TSPAN9: variants seen among roughly 807,000 people sequenced by gnomAD.
TSPAN9 encodes the protein tetraspanin 9.
TSPAN9 carries 16 observed loss-of-function variants against 31.0 expected under a neutral mutation model. That is an observed-to-expected ratio of 0.52 (90% confidence interval 0.35 to 0.78). TSPAN9 has a LOEUF of 0.78. Ranked by LOEUF, TSPAN9 falls within the 30% of genes least tolerant of loss-of-function variation. The pLI is 0.01. For synonymous variants in TSPAN9, 145 were observed against 121.6 expected (o/e 1.19, Z -1.27); for missense variants, 272 against 312.5 (o/e 0.87, Z 0.98).
chr12:3,255,942 T>C (rs547740324), intron 3 of TSPAN9, among the ~76,000 whole-genome samples: 40 of 152,314 alleles, frequency 2.6e-4, no homozygotes, highest in Middle Eastern at 3.4e-3. Flanking sequence ...TGTATGCTTG[T>C]GAGTTTTCTT....
At chr12:3,123,013 A>G (rs889545006) in intron 2 of TSPAN9, among the ~76,000 whole-genome samples, 14 of 152,166 alleles carry the variant, frequency 9.2e-5, no homozygotes, top group Non-Finnish European at 1.9e-4. Context: ...AGAGGCAGGC[A>G]GGATGCTAGG....
intron 2 of TSPAN9, among the ~76,000 whole-genome samples, chr12:3,151,859 G>C (rs900896611): frequency 6.6e-6 from 1 of 152,058 alleles, no homozygotes; most frequent in African/African-American, 2.4e-5. Flanking sequence ...TGAGGCGGAG[G>C]TTGCAGTGAG....
At chr12:3,149,410 C>A (rs1266894421) in intron 2 of TSPAN9, among the ~76,000 whole-genome samples, 1 of 152,208 alleles carries the variant, frequency 6.6e-6, no homozygotes, top group Non-Finnish European at 1.5e-5. Flanking sequence ...CTCTTTTTTA[C>A]CTGAAATTCA....
chr12:3,256,692 G>A (rs1862353842), intron 3 of TSPAN9, among the ~76,000 whole-genome samples: 1 of 152,168 alleles, frequency 6.6e-6, no homozygotes, highest in Non-Finnish European at 1.5e-5. Flanking sequence ...GACTTTGGTA[G>A]CTGGGTTAAC....
intron 2 of TSPAN9, among the ~76,000 whole-genome samples, chr12:3,100,001 C>G (rs2098311087): frequency 6.6e-6 from 1 of 152,148 alleles, no homozygotes; most frequent in African/African-American, 2.4e-5. Flanking sequence ...GCCACCATGC[C>G]TGGCTAATTT....
At chr12:3,151,591 A>T (rs1212244991) in intron 2 of TSPAN9, 1 of 152,124 alleles carries the variant, frequency 6.6e-6, no homozygotes, top group Non-Finnish European at 1.5e-5. Flanking sequence ...CCCCTCAGTG[A>T]TTAATGGCCT....
intron 3 of TSPAN9, among the ~76,000 whole-genome samples, chr12:3,262,560 G>A (rs892912249): frequency 2.0e-5 from 3 of 151,552 alleles, no homozygotes; most frequent in Admixed American, 6.6e-5. Context: ...CCACCCTGCC[G>A]TTTGCCCTTT....
chr12:3,147,803 G>A lies in TSPAN9; in HGVS notation c.-17-53374G>A, dbSNP rs1400916605. Among the ~76,000 whole-genome samples, 1 of 152,212 alleles carries A rather than the reference G, an allele frequency of 6.6e-6. No individual in the cohort carries two copies. The highest frequency in any genetic ancestry group is 1.5e-5 in the Non-Finnish European group (1 of 68,044). On this transcript the variant is annotated intron_variant, in intron 2 of 8. Transcript: ENST00000011898. This position sits in a 1 kb window ranked among gnomAD's most constrained non-coding sequence, Gnocchi z 4.3. ...CCAGTAGTTTTCACCTGCAGTGTTG[G>A]CTCACACTGGTGGGTGCCCTTTGGT... is the stretch of plus-strand genomic sequence containing the variant.
chr12:3,111,688 A>G (rs1247350147), intron 2 of TSPAN9, among the ~76,000 whole-genome samples: 1 of 144,500 alleles, frequency 6.9e-6, no homozygotes, highest in Non-Finnish European at 1.5e-5. Flanking sequence ...ATCTTGGCTT[A>G]CTGCAGCCTC....
intron 2 of TSPAN9, among the ~76,000 whole-genome samples, chr12:3,186,568 G>GTA (rs1178561702): frequency 6.9e-6 from 1 of 145,454 alleles, no homozygotes; most frequent in African/African-American, 2.5e-5. Context: ...GTGTGTGTGT[G>GTA]TGTGTGTGTA....
chr12:3,154,476 C>G (rs888266186), intron 2 of TSPAN9, among the ~76,000 whole-genome samples: 1 of 152,202 alleles, frequency 6.6e-6, no homozygotes, highest in Non-Finnish European at 1.5e-5. Context: ...CTGAAATGAC[C>G]GTGGGCTCAC....
chr12:3,128,337 A>T (rs2098328256), intron 2 of TSPAN9, among the ~76,000 whole-genome samples: 2 of 152,286 alleles, frequency 1.3e-5, no homozygotes, highest in South Asian at 4.1e-4. Context: ...CAAAATGGCT[A>T]ATCTCACTGA....
chr12:3,166,181 G>A (rs533664392), intron 2 of TSPAN9, among the ~76,000 whole-genome samples: 1 of 152,190 alleles, frequency 6.6e-6, no homozygotes, highest in Non-Finnish European at 1.5e-5. Flanking sequence ...CAATATTCAA[G>A]CAGTATTAAG....
At chr12:3,139,705 C>T (rs1214619553) in intron 2 of TSPAN9, among the ~76,000 whole-genome samples, 1 of 152,168 alleles carries the variant, frequency 6.6e-6, no homozygotes, top group South Asian at 2.1e-4. Flanking sequence ...GCCACTATGC[C>T]CAGCTCATTT....
At chr12:3,198,685 GCACAGGT>G (rs1393418438) in intron 2 of TSPAN9, among the ~76,000 whole-genome samples, 3 of 74,678 alleles carry the variant, frequency 4.0e-5, no homozygotes, top group African/African-American at 1.8e-4. Context: ...GCCACCACCA[GCACAGGT>G]CACCACCAGC....
intron 3 of TSPAN9, among the ~76,000 whole-genome samples, chr12:3,271,973 GGT>G (rs1491499652): frequency 1.3e-5 from 2 of 152,142 alleles, no homozygotes; most frequent in African/African-American, 4.8e-5. Context: ...AAGCTGTTTT[GGT>G]TTTTTTCTTT....
intron 2 of TSPAN9, among the ~76,000 whole-genome samples, chr12:3,109,268 CTGTGTGTGTGTG>C (rs1226380985): frequency 1.4e-4 from 17 of 119,358 alleles, no homozygotes; most frequent in Non-Finnish European, 2.5e-4. Flanking sequence ...TTCATATAGT[CTGTGTGTGTGTG>C]TGTGTGTGTG....
intron 3 of TSPAN9, among the ~76,000 whole-genome samples, chr12:3,226,768 ATATATATATATATATATATATATATAT>A (rs1565622531): frequency 0.016 from 28 of 1,766 alleles, 3 homozygotes; most frequent in African/African-American, 0.034. Flanking sequence ...ATATATATAT[ATATATATATATATATATATATATATAT>A]TTTTTTTTTT....
intron 3 of TSPAN9, among the ~76,000 whole-genome samples, chr12:3,269,117 C>T (rs1862613552): frequency 1.0e-5 from 1 of 97,540 alleles, no homozygotes; most frequent in African/African-American, 3.9e-5. Flanking sequence ...TCCCTGTGTT[C>T]CTGCAGCCTG....
Sources: allele counts gnomAD v4.1 joint callset (sites outside exome capture counted in the v4.1 genomes callset), GRCh38; gene constraint gnomAD v4.1.1; non-coding constraint Gnocchi (gnomAD v3.1); transcripts MANE v1.5; gene names NCBI Gene and HGNC (gene_info 2026-07-23, HGNC 2026-07-21).